PCDHA12: variants seen among roughly 807,000 people sequenced by gnomAD.
PCDHA12 encodes protocadherin alpha 12, also known as protocadherin alpha-12.
Under a neutral mutation model 60.0 loss-of-function variants are expected in PCDHA12, and 44 were observed. The observed-to-expected ratio is 0.73, with a 90% CI of 0.58 to 0.94. The LOEUF (loss-of-function observed/expected upper bound fraction) is 0.94. Ranked by LOEUF, PCDHA12 falls within the 40% of genes least tolerant of loss-of-function variation. The pLI is 0.00. For synonymous variants in PCDHA12, 569 were observed against 553.0 expected, an observed-to-expected ratio of 1.03 and a Z score of -0.40; for missense variants, 1,276 against 1,239.7, an observed-to-expected ratio of 1.03 and a Z score of -0.44.
intron 2 of PCDHA12, among the ~76,000 whole-genome samples, chr5:140,981,515 A>C (rs1554242933): frequency 1.3e-5 from 2 of 152,230 alleles, no homozygotes. Context: ...CAGAGGTTGC[A>C]GTGAGCTGAG....
intron 1 of PCDHA12, among the ~76,000 whole-genome samples, chr5:140,956,666 G>T (rs1232573740): frequency 6.6e-6 from 1 of 152,088 alleles, no homozygotes; most frequent in African/African-American, 2.4e-5. Flanking sequence ...GGCCTTAAAG[G>T]AGTTAGGGAG....
intron 1 of PCDHA12, among the ~76,000 whole-genome samples, chr5:140,954,774 A>G (rs1396315075): frequency 1.3e-5 from 2 of 152,120 alleles, no homozygotes; most frequent in Admixed American, 1.3e-4. Flanking sequence ...TCTTTAATTT[A>G]ATTAGATCTC....
chr5:140,982,827 T>G (rs2097010165), intron 3 of PCDHA12, among the ~76,000 whole-genome samples: 1 of 140,992 alleles, frequency 7.1e-6, no homozygotes, highest in Non-Finnish European at 1.6e-5. Flanking sequence ...TTTTTGGGGT[T>G]TGTTTGTTTG....
In PCDHA12 at chr5:140,876,278, C is replaced by A. The variant is rs1554168451; in HGVS notation, c.806C>A (p.Pro269Gln). 6.2e-7 allele frequency: 1 copy of A among 1,614,030 alleles called. No individual in the cohort carries two copies. Among genetic ancestry groups the A allele is most frequent in the South Asian group, 1.1e-5 (1 of 91,082 alleles). ...GTGATCCAACTAAATGCTTCCGATC[C>A]AGACGAAGGACTTAATGGAGAAATT... is the stretch of plus-strand genomic sequence containing the variant. ...TRVIQLNASD[P>Q]DEGLNGEISY... Residue 269 changes from proline (P) to glutamine (Q), a missense_variant, in exon 1 of 4, where the codon CCA (proline) becomes CAA (glutamine). Transcript: ENST00000398631.
intron 1 of PCDHA12, among the ~76,000 whole-genome samples, chr5:140,880,362 A>G (rs1005788716): frequency 4.6e-5 from 7 of 152,236 alleles, no homozygotes; most frequent in Non-Finnish European, 1.0e-4. Context: ...ATTTAGATGA[A>G]AACCATGAGA....
At chr5:140,984,260 A>G (rs2097093759) in intron 3 of PCDHA12, among the ~76,000 whole-genome samples, 1 of 152,172 alleles carries the variant, frequency 6.6e-6, no homozygotes, top group South Asian at 2.1e-4. Context: ...GTAAGCCACA[A>G]ACTAACTTTG....
chr5:140,908,493 G>T (rs545927854), intron 1 of PCDHA12, among the ~76,000 whole-genome samples: 14 of 152,270 alleles, frequency 9.2e-5, no homozygotes, highest in African/African-American at 3.4e-4. Flanking sequence ...AGTTCAGGTT[G>T]CTTGGTGACT....
At chr5:140,924,675 A>G (rs2081950007) in intron 1 of PCDHA12, among the ~76,000 whole-genome samples, 1 of 152,152 alleles carries the variant, frequency 6.6e-6, no homozygotes, top group Non-Finnish European at 1.5e-5. Flanking sequence ...CAGGCCAATC[A>G]CTTGAGGTCA....
In PCDHA12 at chr5:140,884,106, T is replaced by C; in HGVS notation, c.2367+6267T>C. 1 of 1,613,420 alleles carries C rather than the reference T, an allele frequency of 6.2e-7. No individual in the cohort carries two copies. The highest frequency in any genetic ancestry group is 8.5e-7 in the Non-Finnish European group (1 of 1,179,712). On this transcript the variant is annotated intron_variant, in intron 1 of 3. Transcript: ENST00000398631. ...GCGTGGCTTTCGTATGAATTGCAGC[T>C]GGCGGCGGTCGGCGCGCGCATCCCG...
In PCDHA12 at chr5:141,011,594, T is replaced by C. The variant is rs2098421156; in HGVS notation, c.*1657T>C. 6.5e-6 allele frequency: 1 copy of C among 153,764 alleles called. No homozygotes were observed. Among genetic ancestry groups the C allele is most frequent in the East Asian group, 1.9e-4 (1 of 5,202 alleles). The allele number at this position is 153,764 out of a possible 1,614,324, so 9.5% of individuals were successfully genotyped here. On this transcript the variant is annotated 3_prime_UTR_variant, in exon 4 of 4. Coordinates refer to ENST00000398631, the MANE Select transcript of PCDHA12 (RefSeq NM_018903.4). ...TTTCTTAAATCAAGATACTGGTGAT[T>C]CAAGGAATTTTATTTATGGTCCAGC...
At chr5:140,936,869 A>C (rs1249048598) in intron 1 of PCDHA12, among the ~76,000 whole-genome samples, 3 of 152,168 alleles carry the variant, frequency 2.0e-5, no homozygotes, top group Non-Finnish European at 4.4e-5. Context: ...TTCTATTTTA[A>C]AAAACCCTGC....
intron 3 of PCDHA12, among the ~76,000 whole-genome samples, chr5:140,984,328 G>A (rs1221209076): frequency 3.3e-5 from 5 of 152,156 alleles, no homozygotes; most frequent in African/African-American, 1.2e-4. Context: ...GGCAAATGTG[G>A]AATAGGAACC....
rs1284021507 is a variant in PCDHA12 at position 140,883,838 on chromosome 5, G to A, written c.2367+5999G>A. The A allele has an allele frequency of 1.9e-6, 3 of 1,612,620 alleles. No individual in the cohort carries two copies. In the Admixed American group the frequency reaches 5.0e-5, roughly 27 times the overall value. ...CAAGGTGTACGCGCTGCAGCCGTTG[G>A]ACCACGAGGAGCTGGAGCTGTTGCA... On this transcript the variant is annotated intron_variant, in intron 1 of 3. Coordinates refer to ENST00000398631, the MANE Select transcript of PCDHA12 (RefSeq NM_018903.4).
rs369536692 is a variant in PCDHA12 at position 140,876,705 on chromosome 5, C to T, written c.1233C>T (p.Ser411=). The T allele has an allele frequency of 2.0e-5, 33 of 1,614,240 alleles. No individual in the cohort carries two copies. In the African/African-American group the frequency reaches 3.3e-4, roughly 16 times the overall value. ...ATTACTACTCGTTGGTGCTGGACAG[C>T]GCCCTGGACCGCGAGAGCGTGTCGG... ...YKNYYSLVLD[S]ALDRESVSAY... Residue 411 remains serine (S), a synonymous_variant, in exon 1 of 4, where the codon AGC becomes AGT. Transcript: ENST00000398631.
Position 140,888,304 on chromosome 5 carries a change from T to C in PCDHA12, c.2367+10465T>C, listed in dbSNP as rs560267265. Among the ~76,000 whole-genome samples the C allele has an allele frequency of 9.2e-5, 14 of 152,272 alleles. No homozygotes were observed. The South Asian group carries it at 2.7e-3, about 29-fold the overall frequency. On this transcript the variant is annotated intron_variant, in intron 1 of 3. Transcript: ENST00000398631. The stretch of plus-strand genomic sequence containing the variant: ...CCTCTACCCCCTACCCAGGAGATAA[T>C]TTGGCAATGCCTGGATACATTTTTG...
rs548429892 is a variant in PCDHA12 at position 140,891,971 on chromosome 5, G to A, written c.2367+14132G>A. Among the ~76,000 whole-genome samples the A allele has an allele frequency of 9.9e-5, 15 of 152,232 alleles. No homozygotes were observed. In the South Asian group the frequency reaches 1.9e-3, roughly 19 times the overall value. On this transcript the variant is annotated intron_variant, in intron 1 of 3. Transcript: ENST00000398631. ...CCAGAATTGTGAGAAGTAAATTTCC[G>A]TTCTCATAAATTACTCAGTCTGTGG...
At chr5:141,001,977 A>T (rs527826696) in intron 3 of PCDHA12, among the ~76,000 whole-genome samples, 1 of 152,246 alleles carries the variant, frequency 6.6e-6, no homozygotes, top group South Asian at 2.1e-4. Flanking sequence ...CTCTGCGCGG[A>T]AAGCCTGGAA....
chr5:141,006,525 T>G (rs1366958955), intron 3 of PCDHA12, among the ~76,000 whole-genome samples: 1 of 152,108 alleles, frequency 6.6e-6, no homozygotes, highest in African/African-American at 2.4e-5. Context: ...TATACATCAG[T>G]TTTTAAAGAG....
intron 3 of PCDHA12, among the ~76,000 whole-genome samples, chr5:141,008,574 A>G (rs1554261815): frequency 1.3e-5 from 2 of 152,164 alleles, no homozygotes; most frequent in Admixed American, 1.3e-4. Context: ...TCATTTTCCC[A>G]AGACTCAGGG....
Sources: gnomAD v4.1 joint callset for allele counts (sites outside exome capture counted in the v4.1 genomes callset) on GRCh38, gnomAD v4.1.1 for gene constraint, MANE v1.5 for transcripts, NCBI Gene and HGNC (gene_info 2026-07-23, HGNC 2026-07-21) for gene names.